The following PRSS33 variants were observed in gnomAD, a reference collection of about 807,000 sequenced individuals.
The protein encoded by PRSS33 is serine protease 33.
Under a neutral mutation model 26.7 loss-of-function variants are expected in PRSS33, and 32 were observed. The observed-to-expected ratio is 1.20, with a 90% CI of 0.90 to 1.61. The LOEUF is 1.61. Among genes scored for constraint, PRSS33 ranks in the 40% most tolerant of loss-of-function variants. The pLI is 0.00. For synonymous variants in PRSS33, 192 were observed against 177.6 expected, an observed-to-expected ratio of 1.08 and a Z score of -0.64; for missense variants, 450 against 396.3, an observed-to-expected ratio of 1.14 and a Z score of -1.15.
chr16:2,784,198 A>G lies in PRSS33; in HGVS notation c.*446T>C, dbSNP rs965716466. On this transcript the variant is annotated 3_prime_UTR_variant, in exon 7 of 7. Transcript: ENST00000682474. ...GTCTCTCAGCTCTTAGAGGCCGCTC[A>G]TGGCTGTGGTCCCCGTGTCCTCAAA... The G allele has an allele frequency of 2.0e-5, 3 of 152,854 alleles. No homozygotes were observed. Among genetic ancestry groups the G allele is most frequent in the African/African-American group, 4.8e-5 (2 of 41,448 alleles). The allele number at this position is 152,854 out of a possible 1,614,324, so 9.5% of individuals were successfully genotyped here.
At position 2,784,653 on chromosome 16, in the gene PRSS33, G is replaced by T. The variant is rs1482149324; in HGVS notation, c.834C>A (p.Val278=). Residue 278 remains valine, a synonymous_variant, in exon 7 of 7, where the codon GTC becomes GTA. Coordinates refer to ENST00000682474, the MANE Select transcript of PRSS33 (RefSeq NM_152891.3). ...ATYSPWIQAR[V]SF is the part of the protein sequence containing the mutation. Reference sequence around the variant, plus strand: ...GCCTCACCGGCTAGCATTAGAAGCTGACGCGAGCCTGAATCCAGGGGCTAT... The same window carrying T: ...GCCTCACCGGCTAGCATTAGAAGCTTACGCGAGCCTGAATCCAGGGGCTAT... The T allele has an allele frequency of 1.9e-6, 3 of 1,594,548 alleles. No individual in the cohort carries two copies. In the African/African-American group the frequency reaches 4.0e-5, roughly 21 times the overall value.
intron 2 of PRSS33, 47 bp from the exon 3 acceptor site, chr16:2,786,168 A>T (rs761192519): frequency 1.9e-6 from 3 of 1,551,408 alleles, no homozygotes; most frequent in Non-Finnish European, 2.7e-6. Context: ...TTTGGTGTCA[A>T]ATAACGGAGT....
At chr16:2,786,443 G>A (rs2068874984) in intron 2 of PRSS33, 59 bp downstream of exon 2, 2 of 1,598,864 alleles carry the variant, frequency 1.3e-6, no homozygotes, top group Non-Finnish European at 1.7e-6. Flanking sequence ...GCAGTGAGAT[G>A]GGAGAACTGG....
chr16:2,784,868 C>T (rs2068854196), intron 6 of PRSS33, 66 bp from the exon 7 acceptor site: 5 of 1,537,936 alleles, frequency 3.3e-6, no homozygotes, highest in Non-Finnish European at 4.4e-6. Flanking sequence ...GTTCCAGACC[C>T]CTGGCGTGGT....
Position 2,785,525 on chromosome 16 carries a change from C to A in PRSS33, c.364G>T (p.Gly122Trp), listed in dbSNP as rs764718141. The change falls in exon 5 of 7, where the codon GGG (glycine) becomes TGG (tryptophan). Residue 122 changes from glycine to tryptophan, a missense_variant. By Grantham distance (184) the Gly-to-Trp change is radical (BLOSUM62 -2). Coordinates refer to ENST00000682474, the MANE Select transcript of PRSS33 (RefSeq NM_152891.3). ...AGCAGTGCCAGGTCGCCGCGGGCCC[C>A]GTCCTCGGAGTAGTCCGGGGGCAGC... ...VLLPPDYSED[G>W]ARGDLALLQL... 3.5e-5 allele frequency: 54 copies of A among 1,524,214 alleles called. No homozygotes were observed. Among genetic ancestry groups the A allele is most frequent in the African/African-American group, 5.6e-5 (4 of 71,476 alleles). The allele number at this position is 1,524,214 out of a possible 1,614,324, so 94.4% of individuals were successfully genotyped here. A position where few individuals can be genotyped will look rare whatever the true frequency, so the allele number is the denominator to read the frequency against.
At position 2,785,612 on chromosome 16, in the gene PRSS33, C is replaced by T. The variant is rs1410305851; in HGVS notation, c.277G>A (p.Gly93Arg). Residue 93 changes from glycine (G) to arginine (R), a missense_variant, in exon 5 of 7, where the codon GGG (glycine) becomes AGG (arginine). Coordinates refer to ENST00000682474, the MANE Select transcript of PRSS33 (RefSeq NM_152891.3). ...GAGGTGGAGCCCAGACGCAGCGCCC[C>T]CAGGCGCACGCGGTACTCAGCTGGC... ...ALPAEYRVRL[G>R]ALRLGSTSPR... 2 of 1,508,170 alleles carry T rather than the reference C, an allele frequency of 1.3e-6. No individual in the cohort carries two copies. Among genetic ancestry groups the T allele is most frequent in the South Asian group, 2.5e-5 (2 of 80,854 alleles). 93.4% of individuals were successfully genotyped at this position (1,508,170 alleles called of 1,614,324 possible). A position where few individuals can be genotyped will look rare whatever the true frequency, so the allele number is the denominator to read the frequency against.
rs542578836 is a variant in PRSS33 at position 2,786,643 on chromosome 16, A to G, written c.-57-39T>C. The stretch of plus-strand genomic sequence containing the variant: ...GGAGAAGAGAGGAGAGTCCTGGCCC[A>G]GGGGCACCAATCCTCACACCAGCCC... On this transcript the variant is annotated intron_variant, in intron 1 of 6. Coordinates refer to ENST00000682474, the MANE Select transcript of PRSS33 (RefSeq NM_152891.3). The G allele has an allele frequency of 9.3e-6, 13 of 1,397,556 alleles. No individual in the cohort carries two copies. In the African/African-American group the frequency reaches 1.6e-4, roughly 17 times the overall value. 86.6% of individuals were successfully genotyped at this position (1,397,556 alleles called of 1,614,324 possible).
At chr16:2,786,681 G>T in intron 1 of PRSS33, 77 bp from the exon 2 acceptor site, 1 of 957,110 alleles carries the variant, frequency 1.0e-6, no homozygotes, top group South Asian at 1.6e-5. Context: ...CACCCCCTCC[G>T]TGGTCCTTCT....
Position 2,785,181 on chromosome 16 carries a change from G to A in PRSS33, c.515-10C>T, listed in dbSNP as rs1166404477. ...CACTCTGGGAGGGGCACTGGGGGAA[G>A]AGGAGGGACCTCTGAGAGGAAGGCG... is the stretch of plus-strand genomic sequence containing the variant. On this transcript the variant is annotated splice_polypyrimidine_tract_variant and intron_variant, in intron 5 of 6. Coordinates refer to ENST00000682474, the MANE Select transcript of PRSS33 (RefSeq NM_152891.3). The A allele has an allele frequency of 3.9e-6, 6 of 1,534,014 alleles. No homozygotes were observed. Among genetic ancestry groups the A allele is most frequent in the Admixed American group, 2.0e-5 (1 of 50,790 alleles).
chr16:2,785,337 G>C, intron 5 of PRSS33, 38 bp downstream of exon 5: 2 of 1,452,944 alleles, frequency 1.4e-6, no homozygotes, highest in Non-Finnish European at 1.8e-6. Flanking sequence ...GGACGTGGGG[G>C]CTCCCGGATG....
chr16:2,785,146 T>G lies in PRSS33; in HGVS notation c.540A>C (p.Leu180=), dbSNP rs989482633. The change falls in exon 6 of 7, where the codon CTA becomes CTC. Residue 180 remains leucine (L), a synonymous_variant. Transcript: ENST00000682474. Reference sequence around the variant, plus strand: ...CCAGCAGCGGCACCCTTACTCCTTGTAGCGGTCGCCACTCTGGGAGGGGCA... The same window carrying G: ...CCAGCAGCGGCACCCTTACTCCTTGGAGCGGTCGCCACTCTGGGAGGGGCA... ...PGVPLPEWRP[L]QGVRVPLLDS... is the part of the protein sequence containing the mutation. The G allele has an allele frequency of 6.5e-7, 1 of 1,541,592 alleles. No individual in the cohort carries two copies.
Position 2,785,780 on chromosome 16 carries a change from G to A in PRSS33, c.242+19C>T, listed in dbSNP as rs1255545364. 1.9e-6 allele frequency: 3 copies of A among 1,571,980 alleles called. No individual in the cohort carries two copies. Among genetic ancestry groups the A allele is most frequent in the Non-Finnish European group, 2.6e-6 (3 of 1,165,790 alleles). Reference sequence around the variant, plus strand: ...TGCCTTCCTTGCACACCCCGCCTGGGCCCTCGGTGAGCGCTGACCTGGGGA... The same window carrying A: ...TGCCTTCCTTGCACACCCCGCCTGGACCCTCGGTGAGCGCTGACCTGGGGA... On this transcript the variant is annotated intron_variant, in intron 4 of 6. Coordinates refer to ENST00000682474, the MANE Select transcript of PRSS33 (RefSeq NM_152891.3).
At chr16:2,784,883 C>T (rs2068854322) in intron 6 of PRSS33, 81 bp from the exon 7 acceptor site, 1 of 1,529,024 alleles carries the variant, frequency 6.5e-7, no homozygotes, top group Non-Finnish European at 8.9e-7. Flanking sequence ...CGTGGTGCCT[C>T]TAGGTTGGAG....
In PRSS33 at chr16:2,785,807, G is replaced by T; in HGVS notation, c.234C>A (p.Cys78Ter). Residue 78 changes from cysteine (C) to a stop codon, truncating the protein, a stop_gained, in exon 4 of 7, where the codon TGC becomes TGA. Coordinates refer to ENST00000682474, the MANE Select transcript of PRSS33 (RefSeq NM_152891.3). LOFTEE classifies it high-confidence loss of function. ...CCTCGGTGAGCGCTGACCTGGGGAA[G>T]CAGTGCGCCGCTGTCAGCACCCACT... ...APQWVLTAAH[C>*]FPRRALPAEY... 1 of 1,597,844 alleles carries T rather than the reference G, an allele frequency of 6.3e-7. No homozygotes were observed.
chr16:2,784,874 G>C, intron 6 of PRSS33, 72 bp from the exon 7 acceptor site: 6 of 1,530,644 alleles, frequency 3.9e-6, no homozygotes, highest in Non-Finnish European at 5.3e-6. Flanking sequence ...GACCCCTGGC[G>C]TGGTGCCTCT....
chr16:2,784,985 G>A lies in PRSS33; in HGVS notation c.684+17C>T. 1 of 1,595,494 alleles carries A rather than the reference G, an allele frequency of 6.3e-7. No individual in the cohort carries two copies. The highest frequency in any genetic ancestry group is 8.5e-7 in the Non-Finnish European group (1 of 1,173,440). ...ACAGGGAGGGGACTCCGGAGGCTGG[G>A]GAGGCTGGGTGCACACCTGGCAGGC... is the stretch of plus-strand genomic sequence containing the variant. On this transcript the variant is annotated intron_variant, in intron 6 of 6. Transcript: ENST00000682474.
At position 2,785,440 on chromosome 16, in the gene PRSS33, G is replaced by A. The variant is rs1596305768; in HGVS notation, c.449C>T (p.Pro150Leu). 2.0e-6 allele frequency: 3 copies of A among 1,486,786 alleles called. No individual in the cohort carries two copies. The highest frequency in any genetic ancestry group is 2.7e-6 in the Non-Finnish European group (3 of 1,128,664). The allele number at this position is 1,486,786 out of a possible 1,614,324, so 92.1% of individuals were successfully genotyped here. A position where few individuals can be genotyped will look rare whatever the true frequency, so the allele number is the denominator to read the frequency against. ...ARVQPVCLPV[P>L]GARPPPGTPC... Reference sequence around the variant, plus strand: ...TGTGCCGGGCGGCGGGCGGGCGCCGGGCACGGGCAGGCAGACGGGTTGGAC... The same window carrying A: ...TGTGCCGGGCGGCGGGCGGGCGCCGAGCACGGGCAGGCAGACGGGTTGGAC... The change falls in exon 5 of 7, where the codon CCC (proline) becomes CTC (leucine). Residue 150 changes from proline to leucine, a missense_variant. Coordinates refer to ENST00000682474, the MANE Select transcript of PRSS33 (RefSeq NM_152891.3).
chr16:2,784,806 C>A lies in PRSS33; in HGVS notation c.685-4G>T. On this transcript the variant is annotated splice_polypyrimidine_tract_variant and splice_region_variant and intron_variant, in intron 6 of 6. Coordinates refer to ENST00000682474, the MANE Select transcript of PRSS33 (RefSeq NM_152891.3). ...TCAGAGGTCCCCCAGAATCACCCTGCAGGAGAAAGAGGAGCCTAAGTCCCA... is the reference window on the plus strand; with the variant it reads ...TCAGAGGTCCCCCAGAATCACCCTGAAGGAGAAAGAGGAGCCTAAGTCCCA... The A allele has an allele frequency of 6.2e-7, 1 of 1,603,186 alleles. No individual in the cohort carries two copies. The highest frequency in any genetic ancestry group is 1.7e-5 in the Admixed American group (1 of 58,910).
At position 2,786,652 on chromosome 16, in the gene PRSS33, A is replaced by G. The variant is rs112788390; in HGVS notation, c.-57-48T>C. ...AGGAGAGTCCTGGCCCAGGGGCACCAATCCTCACACCAGCCCGTCACCCCC... is the reference window on the plus strand; with the variant it reads ...AGGAGAGTCCTGGCCCAGGGGCACCGATCCTCACACCAGCCCGTCACCCCC... On this transcript the variant is annotated intron_variant, in intron 1 of 6. Coordinates refer to ENST00000682474, the MANE Select transcript of PRSS33 (RefSeq NM_152891.3). 1.6e-5 allele frequency: 21 copies of G among 1,297,756 alleles called. No homozygotes were observed. The African/African-American group carries it at 2.4e-4, about 15-fold the overall frequency. 80.4% of individuals were successfully genotyped at this position (1,297,756 alleles called of 1,614,324 possible).
Sources: gnomAD v4.1 joint callset for allele counts on GRCh38, gnomAD v4.1.1 for gene constraint, MANE v1.5 for transcripts, NCBI Gene and HGNC (gene_info 2026-07-23, HGNC 2026-07-21) for gene names.